Variants in KCNK10 observed in about 807,000 individuals in gnomAD.
KCNK10 encodes potassium channel subfamily K member 10.
KCNK10 carries 25 observed loss-of-function variants against 47.7 expected under a neutral mutation model. The ratio of observed to expected loss-of-function variants is 0.52; its 90% CI spans 0.38 to 0.73. KCNK10 has a LOEUF of 0.73. Ranked by LOEUF, KCNK10 falls within the 30% of genes least tolerant of loss-of-function variation. The probability of loss-of-function intolerance (pLI) is 0.00; values close to 1 mark genes in which losing one functional copy is unlikely to be tolerated. For synonymous variants in KCNK10, 303 were observed against 285.6 expected (o/e 1.06, Z -0.61); for missense variants, 563 against 714.5 (o/e 0.79, Z 2.42).
intron 4 of KCNK10, among the ~76,000 whole-genome samples, chr14:88,205,437 T>C (rs1371243736): frequency 2.0e-5 from 3 of 152,124 alleles, no homozygotes; most frequent in African/African-American, 2.4e-5. Context: ...TCAACCTGCA[T>C]CACTGTCTGT....
intron 4 of KCNK10, among the ~76,000 whole-genome samples, chr14:88,208,905 G>A (rs1206832043): frequency 6.6e-6 from 1 of 152,100 alleles, no homozygotes; most frequent in Non-Finnish European, 1.5e-5. Flanking sequence ...GGAGTGGATA[G>A]GTAGACAAAC....
At chr14:88,207,327 C>T (rs963607469) in intron 4 of KCNK10, among the ~76,000 whole-genome samples, 3 of 152,048 alleles carry the variant, frequency 2.0e-5, no homozygotes, top group African/African-American at 4.8e-5. Flanking sequence ...GGCCCGCCAT[C>T]GCGCCCGGCT....
intron 2 of KCNK10, among the ~76,000 whole-genome samples, chr14:88,248,976 G>A (rs1292971668): frequency 1.3e-5 from 2 of 152,138 alleles, no homozygotes; most frequent in Admixed American, 1.3e-4. Context: ...ATAGTAGTTA[G>A]GAAGTGTCAG....
At chr14:88,212,133 G>GATATAT (rs1885482897) in intron 4 of KCNK10, among the ~76,000 whole-genome samples, 1 of 59,850 alleles carries the variant, frequency 1.7e-5, no homozygotes, top group Non-Finnish European at 3.9e-5. Flanking sequence ...TATATATATC[G>GATATAT]AGAGAGAGAG....
rs1324795743 is a variant in KCNK10, at chr14:88,185,693, C to T, written c.1474G>A (p.Glu492Lys). 12 of 1,614,098 alleles carry T rather than the reference C, an allele frequency of 7.4e-6. No homozygotes were observed. Among genetic ancestry groups the T allele is most frequent in the Admixed American group, 1.7e-5 (1 of 60,008 alleles). Residue 492 changes from glutamate (E) to lysine (K), a missense_variant, in exon 7 of 7, where the codon GAG becomes AAG. Physicochemically the swap from Glu to Lys is moderately conservative, Grantham distance 56. Transcript: ENST00000319231. The surrounding 1 kb of genome is among the most constrained non-coding windows in gnomAD (Gnocchi z 4.3). ...RNYSLDEEKKEEETEKMCNSD... is the reference protein window; with the variant it reads ...RNYSLDEEKKKEETEKMCNSD... ...TTACACATCTTTTCCGTCTCCTCCT[C>T]TTTCTTCTCCTCGTCCAGGGAGTAA...
rs34123372 is a variant in KCNK10, at chr14:88,181,415, CGTGT to C, written c.*4116_*4119del. 0.28 allele frequency: 41,853 copies of C among 149,412 alleles called. 6,457 individuals carry two copies. Among genetic ancestry groups the C allele is most frequent in the Non-Finnish European group, 0.36 (24,033 of 67,284 alleles). The allele number at this position is 149,412 out of a possible 1,614,324, so 9.3% of individuals were successfully genotyped here. On this transcript the variant is annotated 3_prime_UTR_variant, in exon 7 of 7. Transcript: ENST00000319231. ...GTGTGTGTGTGTGTGTGTATGTGTG[CGTGT>C]GTGTGTGTGTGTGTGTGTGTGAGAG...
intron 4 of KCNK10, among the ~76,000 whole-genome samples, chr14:88,221,301 C>T (rs867457805): frequency 1.4e-5 from 2 of 144,170 alleles, no homozygotes; most frequent in African/African-American, 2.6e-5. Context: ...GACTCTGTCT[C>T]AATAATAATA....
chr14:88,270,979 C>A, intron 1 of KCNK10: 1 of 628,674 alleles, frequency 1.6e-6, no homozygotes, highest in Non-Finnish European at 2.9e-6. Context: ...GCCACGCCCC[C>A]ACAAGCAACC....
At chr14:88,281,569 C>A (rs563988702) in intron 1 of KCNK10, among the ~76,000 whole-genome samples, 1 of 152,048 alleles carries the variant, frequency 6.6e-6, no homozygotes, top group Non-Finnish European at 1.5e-5. Context: ...GGAATTATAC[C>A]ATTGGCTTTC....
At chr14:88,215,595 T>C (rs117642530) in intron 4 of KCNK10, among the ~76,000 whole-genome samples, 5,154 of 152,256 alleles carry the variant, frequency 0.034, 126 homozygotes, top group South Asian at 0.059. Context: ...TACTCAGTAT[T>C]ATCTCAACAA....
chr14:88,322,645 A>G lies in KCNK10; in HGVS notation c.52+102T>C. 1 of 1,514,910 alleles carries G rather than the reference A, an allele frequency of 6.6e-7. No individual in the cohort carries two copies. The allele number at this position is 1,514,910 out of a possible 1,614,324, so 93.8% of individuals were successfully genotyped here. On this transcript the variant is annotated intron_variant, in intron 1 of 6. Transcript: ENST00000319231. The surrounding 1 kb of genome is among the most constrained non-coding windows in gnomAD (Gnocchi z 4.8). ...GTTCCCAGGCGCATTTCCCAGCCTC[A>G]GGACACACGCTGCCAGAAGCAAGAG... is the stretch of plus-strand genomic sequence containing the variant.
intron 4 of KCNK10, 78 bp from the exon 5 acceptor site, chr14:88,192,488 T>A: frequency 7.9e-7 from 1 of 1,266,106 alleles, no homozygotes; most frequent in Non-Finnish European, 1.1e-6. Context: ...CAGAAAACGG[T>A]ACTGTGTCAG....
chr14:88,223,681 T>G (rs892555529), intron 4 of KCNK10, among the ~76,000 whole-genome samples: 1 of 152,352 alleles, frequency 6.6e-6, no homozygotes, highest in Middle Eastern at 3.4e-3. Flanking sequence ...GAACTTTGCA[T>G]CCCTCTTGGG....
intron 1 of KCNK10, among the ~76,000 whole-genome samples, chr14:88,288,258 C>T (rs1373454488): frequency 6.6e-6 from 1 of 152,198 alleles, no homozygotes; most frequent in Non-Finnish European, 1.5e-5. Context: ...CAATTAGCTG[C>T]TTGTCCAAGT....
Position 88,220,137 on chromosome 14 carries a change from G to A in KCNK10, c.681+7238C>T, listed in dbSNP as rs574101658. On this transcript the variant is annotated intron_variant, in intron 4 of 6. Transcript: ENST00000319231. Reference sequence around the variant, plus strand: ...GCTTTAAGAATTACTATAGAGCGTGGCCGGGCGCGGTGGCTCACGCCTGTA... The same window carrying A: ...GCTTTAAGAATTACTATAGAGCGTGACCGGGCGCGGTGGCTCACGCCTGTA... 1.2e-3 allele frequency among the ~76,000 whole-genome samples: 189 copies of A among 152,266 alleles called. 2 individuals carry two copies. Among genetic ancestry groups the A allele is most frequent in the Middle Eastern group, 0.01 (3 of 294 alleles).
chr14:88,264,246 T>A, intron 1 of KCNK10, among the ~76,000 whole-genome samples: 1 of 152,190 alleles, frequency 6.6e-6, no homozygotes, highest in East Asian at 1.9e-4. Flanking sequence ...TGTAGGGCAA[T>A]TTCATTACTT....
At chr14:88,279,162 T>C (rs1043963537) in intron 1 of KCNK10, among the ~76,000 whole-genome samples, 9 of 152,326 alleles carry the variant, frequency 5.9e-5, no homozygotes, top group African/African-American at 1.9e-4. Flanking sequence ...GCAATTTCTA[T>C]CAAACCAGCA....
At chr14:88,304,828 A>G (rs1207021028) in intron 1 of KCNK10, among the ~76,000 whole-genome samples, 1 of 152,260 alleles carries the variant, frequency 6.6e-6, no homozygotes, top group Non-Finnish European at 1.5e-5. Flanking sequence ...CAATGCTAAC[A>G]AATCAACAGT....
intron 1 of KCNK10, among the ~76,000 whole-genome samples, chr14:88,316,196 C>T (rs1213441234): frequency 6.6e-6 from 1 of 152,124 alleles, no homozygotes; most frequent in Non-Finnish European, 1.5e-5. Flanking sequence ...AATGCTCCCT[C>T]ATGACCGTGC....
Sources: gnomAD v4.1 joint callset for allele counts (sites outside exome capture counted in the v4.1 genomes callset) on GRCh38, gnomAD v4.1.1 for gene constraint, Gnocchi (gnomAD v3.1) non-coding constraint, MANE v1.5 for transcripts, NCBI Gene and HGNC (gene_info 2026-07-23, HGNC 2026-07-21) for gene names.